The following CHMP5 variants were observed in gnomAD, a reference collection of about 807,000 sequenced individuals.
CHMP5 encodes the protein charged multivesicular body protein 5.
A neutral mutation model predicts 33.0 loss-of-function variants in CHMP5; 17 were observed. That is an observed-to-expected ratio of 0.52 (90% CI 0.35 to 0.77). The LOEUF is 0.77. CHMP5 is among the 30% of genes least tolerant of loss of function. The probability of loss-of-function intolerance (pLI) is 0.01; values close to 1 mark genes in which losing one functional copy is unlikely to be tolerated. For synonymous variants in CHMP5, 76 were observed against 90.2 expected, an observed-to-expected ratio of 0.84 and a Z score of 0.89; for missense variants, 216 against 261.5, an observed-to-expected ratio of 0.83 and a Z score of 1.20.
Position 33,280,777 on chromosome 9 carries a change from T to C in CHMP5, c.610-32T>C, listed in dbSNP as rs201276553. ...TTTTTTTTTTTATCAAATAGAAAAA[T>C]AGTGGCACTAAACATTGCTTCCTTT... On this transcript the variant is annotated intron_variant, in intron 7 of 7. Transcript: ENST00000223500. 2.6e-5 allele frequency: 41 copies of C among 1,556,108 alleles called. No individual in the cohort carries two copies. The African/African-American group carries it at 4.8e-4, about 18-fold the overall frequency.
Position 33,280,948 on chromosome 9 carries a change from T to C in CHMP5, c.*89T>C, listed in dbSNP as rs1820915455. On this transcript the variant is annotated 3_prime_UTR_variant, in exon 8 of 8. Coordinates refer to ENST00000223500, the MANE Select transcript of CHMP5 (RefSeq NM_016410.6). ...CTTTCCAAATTTGCCATAACAGATTTAGGTTTCTTTCCTTTCTTTGAAGGA... is the reference window on the plus strand; with the variant it reads ...CTTTCCAAATTTGCCATAACAGATTCAGGTTTCTTTCCTTTCTTTGAAGGA... The C allele has an allele frequency of 1.8e-6, 2 of 1,115,072 alleles. No individual in the cohort carries two copies. Among genetic ancestry groups the C allele is most frequent in the Non-Finnish European group, 1.3e-6 (1 of 775,870 alleles). 69.1% of individuals were successfully genotyped at this position (1,115,072 alleles called of 1,614,324 possible).
chr9:33,270,094 A>G (rs1217158259), intron 3 of CHMP5, among the ~76,000 whole-genome samples: 1 of 152,256 alleles, frequency 6.6e-6, no homozygotes, highest in Admixed American at 6.5e-5. Context: ...AATGAATGAC[A>G]GAACAGACTG....
intron 4 of CHMP5, 108 bp from the exon 5 acceptor site, chr9:33,271,044 C>T (rs907347884): frequency 1.1e-6 from 1 of 874,622 alleles, no homozygotes; most frequent in Non-Finnish European, 1.8e-6. Flanking sequence ...GCACTCCAGC[C>T]TGGGCAGCAA....
At chr9:33,276,813 T>C (rs1820860367) in intron 6 of CHMP5, among the ~76,000 whole-genome samples, 1 of 152,222 alleles carries the variant, frequency 6.6e-6, no homozygotes, top group African/African-American at 2.4e-5. Flanking sequence ...TATCTGTAAG[T>C]GTCCTCCACG....
At chr9:33,268,021 AC>A (rs1820747993) in intron 3 of CHMP5, 122 bp downstream of exon 3, 1 of 705,324 alleles carries the variant, frequency 1.4e-6, no homozygotes, top group Admixed American at 2.5e-5. Flanking sequence ...ATTTTCATTG[AC>A]GTGTAATTAA....
chr9:33,275,360 G>T (rs1254919066), intron 5 of CHMP5, among the ~76,000 whole-genome samples: 1 of 151,864 alleles, frequency 6.6e-6, no homozygotes. Flanking sequence ...TTCACACAGG[G>T]TTTATGCCCT....
At chr9:33,277,836 C>T (rs75397365) in intron 6 of CHMP5, 3,790 of 281,582 alleles carry the variant, frequency 0.013, 154 homozygotes, top group African/African-American at 0.076. Flanking sequence ...TAGAACCTTT[C>T]ATTTTTTTTC....
chr9:33,266,151 A>G (rs1309787841), intron 2 of CHMP5, 37 bp downstream of exon 2: 4 of 1,439,686 alleles, frequency 2.8e-6, no homozygotes, highest in African/African-American at 2.8e-5. Context: ...AGGTGCTGGC[A>G]GAGCCTAGTT....
chr9:33,279,707 T>C (rs1337776654), intron 7 of CHMP5, among the ~76,000 whole-genome samples: 1 of 151,466 alleles, frequency 6.6e-6, no homozygotes, highest in East Asian at 2.0e-4. Context: ...ACTAAAAATA[T>C]AAAAAATTAG....
chr9:33,272,640 CA>C (rs1470041101), intron 5 of CHMP5, among the ~76,000 whole-genome samples: 3 of 151,754 alleles, frequency 2.0e-5, no homozygotes, highest in Non-Finnish European at 2.9e-5. Context: ...CTGTCTCTAC[CA>C]AAAATACAAA....
chr9:33,273,567 A>G (rs1361572615), intron 5 of CHMP5, among the ~76,000 whole-genome samples: 2 of 152,170 alleles, frequency 1.3e-5, no homozygotes, highest in Non-Finnish European at 2.9e-5. Context: ...TTTTTTGGTC[A>G]GATTTATTTT....
chr9:33,271,256 C>A, intron 5 of CHMP5, 33 bp downstream of exon 5: 2 of 1,551,304 alleles, frequency 1.3e-6, no homozygotes, highest in Non-Finnish European at 1.8e-6. Flanking sequence ...CAAGAATGTG[C>A]ACTAGTTTCT....
At chr9:33,277,190 C>CAAAA (rs59657807) in intron 6 of CHMP5, among the ~76,000 whole-genome samples, 32 of 53,350 alleles carry the variant, frequency 6.0e-4, no homozygotes, top group Admixed American at 8.3e-4. Flanking sequence ...GACCTTCTCT[C>CAAAA]AAAAAAAAAA....
intron 5 of CHMP5, among the ~76,000 whole-genome samples, chr9:33,275,475 C>G (rs1396978141): frequency 6.6e-6 from 1 of 152,086 alleles, no homozygotes; most frequent in Admixed American, 6.5e-5. Flanking sequence ...CTTTTTGTAC[C>G]ACTTCAGTTG....
rs780430609 is a variant in CHMP5, at chr9:33,278,100, G to A, written c.497-13G>A. The A allele has an allele frequency of 1.9e-6, 3 of 1,550,586 alleles. No individual in the cohort carries two copies. The highest frequency in any genetic ancestry group is 2.7e-6 in the Non-Finnish European group (3 of 1,127,408). On this transcript the variant is annotated splice_polypyrimidine_tract_variant and intron_variant, in intron 6 of 7. Coordinates refer to ENST00000223500, the MANE Select transcript of CHMP5 (RefSeq NM_016410.6). ...GTTACATTTTTTTTAAATGTTGACTGTTTCAATCTCAGAGTTGGATGCACT... is the reference window on the plus strand; with the variant it reads ...GTTACATTTTTTTTAAATGTTGACTATTTCAATCTCAGAGTTGGATGCACT...
chr9:33,273,298 G>T (rs1028722598), intron 5 of CHMP5, among the ~76,000 whole-genome samples: 9 of 151,444 alleles, frequency 5.9e-5, no homozygotes, highest in African/African-American at 1.9e-4. Flanking sequence ...AATATCATTT[G>T]CCATTAAAAT....
chr9:33,276,310 T>C (rs1017731525), intron 5 of CHMP5, 146 bp from the exon 6 acceptor site: 2 of 558,314 alleles, frequency 3.6e-6, no homozygotes, highest in African/African-American at 1.9e-5. Context: ...TAACAGTTGT[T>C]GAGAACTGTT....
chr9:33,280,058 A>G (rs1243528416), intron 7 of CHMP5, among the ~76,000 whole-genome samples: 1 of 151,024 alleles, frequency 6.6e-6, no homozygotes, highest in Non-Finnish European at 1.5e-5. Context: ...GCTCACTGCA[A>G]CCTCCACCCC....
rs563850497 is a variant in CHMP5, at chr9:33,276,491, T to C, written c.423T>C (p.Asp141=). 18 of 1,610,904 alleles carry C rather than the reference T, an allele frequency of 1.1e-5. No individual in the cohort carries two copies. In the East Asian group the frequency reaches 3.6e-4, roughly 32 times the overall value. ...LQDQLEDMME[D]ANEIQEALSR... is the part of the protein sequence containing the mutation. Reference sequence around the variant, plus strand: ...ACCAGCTAGAGGATATGATGGAAGATGCAAATGAAATCCAAGAAGCACTGA... The same window carrying C: ...ACCAGCTAGAGGATATGATGGAAGACGCAAATGAAATCCAAGAAGCACTGA... The change falls in exon 6 of 8, where the codon GAT becomes GAC. Residue 141 remains aspartate, a synonymous_variant. Coordinates refer to ENST00000223500, the MANE Select transcript of CHMP5 (RefSeq NM_016410.6).
Sources: gnomAD v4.1 joint callset for allele counts (sites outside exome capture counted in the v4.1 genomes callset) on GRCh38, gnomAD v4.1.1 for gene constraint, MANE v1.5 for transcripts, NCBI Gene and HGNC (gene_info 2026-07-23, HGNC 2026-07-21) for gene names.